Variants in NUP160 observed in about 807,000 individuals in gnomAD.
The protein encoded by NUP160 is nucleoporin 160, also known as nuclear pore complex protein Nup160.
A neutral mutation model predicts 196.9 loss-of-function variants in NUP160; 94 were observed. The ratio of observed to expected loss-of-function variants is 0.48; its 90% CI spans 0.40 to 0.57. The LOEUF is 0.57. NUP160 is among the 20% of genes least tolerant of loss of function. NUP160 has a pLI of 0.00. For synonymous variants in NUP160, 605 were observed against 619.7 expected, an observed-to-expected ratio of 0.98 and a Z score of 0.35; for missense variants, 1,638 against 1,748.3, an observed-to-expected ratio of 0.94 and a Z score of 1.13.
intron 11 of NUP160, among the ~76,000 whole-genome samples, chr11:47,816,568 A>G (rs1249981424): frequency 6.6e-6 from 1 of 152,178 alleles, no homozygotes. Context: ...TGAGGCCAGG[A>G]GTTCGAGACA....
At chr11:47,836,651 T>G (rs570750783) in intron 6 of NUP160, among the ~76,000 whole-genome samples, 64 of 152,302 alleles carry the variant, frequency 4.2e-4, no homozygotes, top group African/African-American at 1.5e-3. Flanking sequence ...AGGTGTACTT[T>G]GTACTACTCT....
At chr11:47,845,225 C>T (rs1852378276) in intron 2 of NUP160, among the ~76,000 whole-genome samples, 1 of 152,182 alleles carries the variant, frequency 6.6e-6, no homozygotes, top group South Asian at 2.1e-4. Flanking sequence ...ACTGCACCCT[C>T]CACCTCCTGG....
exon 3 of NUP160, chr11:47,840,423 T>C (rs371294261): frequency 9.9e-6 from 16 of 1,614,072 alleles, no homozygotes; most frequent in Non-Finnish European, 1.3e-5. Context: ...ACCTGTGCAC[T>C]GTTTGATTGG....
intron 34 of NUP160, among the ~76,000 whole-genome samples, 161 bp from the exon 35 acceptor site, chr11:47,780,608 C>A (rs1565183614): frequency 6.7e-6 from 1 of 149,014 alleles, no homozygotes; most frequent in African/African-American, 2.5e-5. Context: ...ACAATCTCAG[C>A]TCACTGCAAC....
intron 7 of NUP160, among the ~76,000 whole-genome samples, chr11:47,826,561 C>A (rs1599338140): frequency 3.8e-5 from 1 of 26,602 alleles, no homozygotes; most frequent in African/African-American, 7.5e-5. Context: ...AGGTAAAAAT[C>A]CCCCCCCCCT....
At chr11:47,789,056 T>C (rs1169578443) in intron 29 of NUP160, among the ~76,000 whole-genome samples, 1 of 152,198 alleles carries the variant, frequency 6.6e-6, no homozygotes, top group South Asian at 2.1e-4. Flanking sequence ...TTTGTATTTT[T>C]AGTAGACACG....
At chr11:47,841,652 G>A in intron 2 of NUP160, 1 of 375,032 alleles carries the variant, frequency 2.7e-6, no homozygotes, top group Non-Finnish European at 5.3e-6. Context: ...GAGAGATTGA[G>A]GGCTCTAAGG....
chr11:47,832,338 T>C (rs1852094389), intron 7 of NUP160, among the ~76,000 whole-genome samples: 1 of 152,116 alleles, frequency 6.6e-6, no homozygotes. Flanking sequence ...TTGGTAAAAC[T>C]AATGAAAGGC....
exon 33 of NUP160, chr11:47,785,026 G>C: frequency 6.3e-7 from 1 of 1,582,258 alleles, no homozygotes; most frequent in Non-Finnish European, 8.6e-7. Flanking sequence ...TACCTCTCCA[G>C]GTAAGTGGAT....
chr11:47,788,332 G>A (rs188494650), intron 30 of NUP160, 27 bp from the exon 31 acceptor site: 51 of 1,613,158 alleles, frequency 3.2e-5, no homozygotes, highest in East Asian at 2.7e-4. Context: ...AGATTATTTC[G>A]TGTAGCCAAG....
chr11:47,809,513 C>G (rs1010959685), intron 17 of NUP160, among the ~76,000 whole-genome samples: 2 of 151,962 alleles, frequency 1.3e-5, no homozygotes, highest in African/African-American at 4.8e-5. Context: ...CTTTGTGAGG[C>G]TGAGGCAGGC....
rs1852447089 is a variant in NUP160, at chr11:47,848,357, A to C, written c.64T>G (p.Cys22Gly). 1 of 1,611,862 alleles carries C rather than the reference A, an allele frequency of 6.2e-7. No homozygotes were observed. The highest frequency in any genetic ancestry group is 2.2e-5 in the East Asian group (1 of 44,836). Reference sequence around the variant, plus strand: ...CCGCGACGCCCAACGGAACAAAGGCAGGGCCGCGCGGTCGCCGTCACTTCC... The same window carrying C: ...CCGCGACGCCCAACGGAACAAAGGCCGGGCCGCGCGGTCGCCGTCACTTCC... Residue 22 changes from cysteine (C) to glycine (G), a missense_variant, in exon 1 of 36, where the codon TGC (cysteine) becomes GGC (glycine). Cys to Gly is a radical substitution (Grantham distance 159). Coordinates refer to ENST00000378460, the Ensembl canonical transcript of NUP160.
chr11:47,827,434 A>C (rs900047726), intron 7 of NUP160, among the ~76,000 whole-genome samples: 1 of 152,066 alleles, frequency 6.6e-6, no homozygotes, highest in African/African-American at 2.4e-5. Flanking sequence ...CACAGCTAGC[A>C]TTATACTTAA....
chr11:47,841,421 C>T (rs1044430003), intron 2 of NUP160: 12 of 460,114 alleles, frequency 2.6e-5, no homozygotes, highest in Non-Finnish European at 5.0e-5. Context: ...TTCATCTCCA[C>T]TTGGTTCACA....
Position 47,804,630 on chromosome 11 carries a change from TTAAGGA to T in NUP160, c.2607-18_2607-13del. Reference sequence around the variant, plus strand: ...GATTGCTAGGCCATCTAGTCATTGGTTAAGGATATTTCTTAATTTTTGTTGGCAAAT... The same window carrying T: ...GATTGCTAGGCCATCTAGTCATTGGTTATTTCTTAATTTTTGTTGGCAAAT... On this transcript the variant is annotated splice_polypyrimidine_tract_variant and intron_variant, in intron 20 of 35. Transcript: ENST00000378460. 4 of 1,504,160 alleles carry T rather than the reference TTAAGGA, an allele frequency of 2.7e-6. No homozygotes were observed. The highest frequency in any genetic ancestry group is 3.5e-6 in the Non-Finnish European group (4 of 1,132,202). The allele number at this position is 1,504,160 out of a possible 1,614,324, so 93.2% of individuals were successfully genotyped here.
At chr11:47,796,440 CTT>C (rs2097670951) in intron 27 of NUP160, 2 of 299,170 alleles carry the variant, frequency 6.7e-6, no homozygotes, top group Non-Finnish European at 1.2e-5. Context: ...ATCATGATGT[CTT>C]TAACTTCCTC....
chr11:47,778,464 C>T (rs966529605), exon 36 of NUP160: 1 of 152,526 alleles, frequency 6.6e-6, no homozygotes, highest in Non-Finnish European at 1.5e-5. Flanking sequence ...TGATGGATTT[C>T]CAATTTTTTC....
intron 11 of NUP160, among the ~76,000 whole-genome samples, chr11:47,817,618 T>C (rs1851765387): frequency 6.6e-6 from 1 of 152,206 alleles, no homozygotes; most frequent in East Asian, 1.9e-4. Context: ...GTGCTGGGAT[T>C]ACAGGCGTGA....
At position 47,788,543 on chromosome 11, in the gene NUP160, G is replaced by A. The variant is rs1284739652; in HGVS notation, c.3580C>T (p.Leu1194Phe). The A allele has an allele frequency of 1.2e-6, 2 of 1,614,134 alleles. No homozygotes were observed. Among genetic ancestry groups the A allele is most frequent in the Non-Finnish European group, 1.7e-6 (2 of 1,180,004 alleles). ...GATGGATCATGCTGAGCCAAAGTGAGGCGGATGCGAGCCAAGGAACACTCT... is the reference window on the plus strand; with the variant it reads ...GATGGATCATGCTGAGCCAAAGTGAAGCGGATGCGAGCCAAGGAACACTCT... The change falls in exon 30 of 36, where the codon CTC becomes TTC. Residue 1194 changes from leucine to phenylalanine, a missense_variant. Transcript: ENST00000378460.
Sources: gnomAD v4.1 joint callset for allele counts (sites outside exome capture counted in the v4.1 genomes callset) on GRCh38, gnomAD v4.1.1 for gene constraint, MANE v1.5 for transcripts, NCBI Gene and HGNC (gene_info 2026-07-23, HGNC 2026-07-21) for gene names.